Variants in GOLPH3L observed in about 807,000 individuals in gnomAD.
GOLPH3L encodes Golgi phosphoprotein 3-like.
Under a neutral mutation model 30.3 loss-of-function variants are expected in GOLPH3L, and 22 were observed. That is an observed-to-expected ratio of 0.73 (90% CI 0.52 to 1.04). The LOEUF is 1.04. Ranked by LOEUF, GOLPH3L falls within the 50% of genes least tolerant of loss-of-function variation. The pLI is 0.00. For missense variants in GOLPH3L, 303 were observed against 345.8 expected, an observed-to-expected ratio of 0.88 and a Z score of 0.98; for synonymous variants, 120 against 128.2, an observed-to-expected ratio of 0.94 and a Z score of 0.43.
At chr1:150,654,826 G>A (rs587716781) in intron 4 of GOLPH3L, among the ~76,000 whole-genome samples, 2 of 152,324 alleles carry the variant, frequency 1.3e-5, no homozygotes, top group South Asian at 4.1e-4. Context: ...CCCGCAAAAG[G>A]TCCCAACAGG....
chr1:150,663,718 C>T lies in GOLPH3L; in HGVS notation c.229G>A (p.Gly77Arg), dbSNP rs895329385. ...WNDCISSGLR[G>R]GILIELAMRG... ...ATGGCCAGCTCTATCAGGATGCCCC[C>T]TCGCAGGCCTGATGATATGCAGTCA... Residue 77 changes from glycine (G) to arginine (R), a missense_variant, in exon 3 of 5, where the codon GGG (glycine) becomes AGG (arginine). Coordinates refer to ENST00000271732, the MANE Select transcript of GOLPH3L (RefSeq NM_018178.6). 2 of 1,612,908 alleles carry T rather than the reference C, an allele frequency of 1.2e-6. No homozygotes were observed. The highest frequency in any genetic ancestry group is 8.5e-7 in the Non-Finnish European group (1 of 1,178,966).
At chr1:150,666,576 G>T (rs1263305993) in intron 2 of GOLPH3L, among the ~76,000 whole-genome samples, 1 of 152,010 alleles carries the variant, frequency 6.6e-6, no homozygotes, top group Non-Finnish European at 1.5e-5. Context: ...GACCTCAGGT[G>T]ATCTGCCTGC....
intron 2 of GOLPH3L, among the ~76,000 whole-genome samples, chr1:150,686,286 C>T (rs1216703398): frequency 6.6e-6 from 1 of 152,152 alleles, no homozygotes; most frequent in Non-Finnish European, 1.5e-5. Context: ...GTGATCATAG[C>T]TCAATGCAGC....
chr1:150,655,066 G>A (rs1650211647), intron 4 of GOLPH3L, among the ~76,000 whole-genome samples: 1 of 152,188 alleles, frequency 6.6e-6, no homozygotes, highest in Non-Finnish European at 1.5e-5. Context: ...AAATGAACAG[G>A]AGGATTTGGA....
Position 150,653,302 on chromosome 1 carries a change from T to A in GOLPH3L, c.431-4554A>T, listed in dbSNP as rs11204686. ...GGTATAAATCTTTTTTTTTTTATTT[T>A]TTTTTTTTTTTGAGACGGAGTCTCA... On this transcript the variant is annotated intron_variant, in intron 4 of 4. Coordinates refer to ENST00000271732, the MANE Select transcript of GOLPH3L (RefSeq NM_018178.6). Among the ~76,000 whole-genome samples the A allele has an allele frequency of 4.8e-3, 721 of 149,180 alleles. 6 individuals carry two copies. The highest frequency in any genetic ancestry group is 0.015 in the African/African-American group (604 of 41,072).
At chr1:150,690,826 G>T (rs1557790540) in intron 2 of GOLPH3L, among the ~76,000 whole-genome samples, 1 of 151,844 alleles carries the variant, frequency 6.6e-6, no homozygotes, top group East Asian at 1.9e-4. Flanking sequence ...TTCTTCCCCG[G>T]ATTACTCTAT....
Position 150,648,612 on chromosome 1 carries a change from T to C in GOLPH3L, c.567A>G (p.Pro189=). The change falls in exon 5 of 5, where the codon CCA becomes CCG. Residue 189 remains proline, a synonymous_variant. Coordinates refer to ENST00000271732, the MANE Select transcript of GOLPH3L (RefSeq NM_018178.6). ...NFLLFDMTTH[P]VTNTTEKQRL... ...GCTGTTTCTCTGTTGTATTGGTCAC[T>C]GGATGAGTAGTCATGTCAAATAGCA... 1.2e-6 allele frequency: 2 copies of C among 1,614,058 alleles called. No homozygotes were observed. Among genetic ancestry groups the C allele is most frequent in the East Asian group, 4.5e-5 (2 of 44,880 alleles).
intron 4 of GOLPH3L, among the ~76,000 whole-genome samples, chr1:150,649,165 G>C (rs1195981672): frequency 1.3e-5 from 2 of 152,168 alleles, no homozygotes; most frequent in South Asian, 4.1e-4. Context: ...TCCCAGGCCT[G>C]GTAGGCTGAC....
chr1:150,693,556 T>C (rs1327784582), intron 2 of GOLPH3L, among the ~76,000 whole-genome samples: 6 of 151,902 alleles, frequency 3.9e-5, no homozygotes, highest in Non-Finnish European at 8.8e-5. Context: ...TCGTAACTTC[T>C]TCATGAGGGA....
chr1:150,695,392 C>T lies in GOLPH3L; in HGVS notation c.-12-542G>A, dbSNP rs1651326722. Among the ~76,000 whole-genome samples, 4 of 152,110 alleles carry T rather than the reference C, an allele frequency of 2.6e-5. No homozygotes were observed. In the South Asian group the frequency reaches 8.3e-4, roughly 32 times the overall value. ...CCTCAAGTGATCTGCCTGCCTGGGC[C>T]TCCCAAAGTGCTAGGATTACAGGCA... is the stretch of plus-strand genomic sequence containing the variant. On this transcript the variant is annotated intron_variant, in intron 1 of 4. Transcript: ENST00000271732.
At chr1:150,651,086 G>C (rs1039349510) in intron 4 of GOLPH3L, among the ~76,000 whole-genome samples, 3 of 152,220 alleles carry the variant, frequency 2.0e-5, no homozygotes, top group African/African-American at 7.2e-5. Flanking sequence ...AGAGGCTGAG[G>C]TGGGTGGATC....
intron 2 of GOLPH3L, among the ~76,000 whole-genome samples, chr1:150,665,878 C>T (rs1650488568): frequency 6.6e-6 from 1 of 152,124 alleles, no homozygotes; most frequent in African/African-American, 2.4e-5. Flanking sequence ...TTTTGCTTAT[C>T]TGAAATGTCT....
At chr1:150,669,253 C>T (rs973991325) in intron 2 of GOLPH3L, among the ~76,000 whole-genome samples, 3 of 151,974 alleles carry the variant, frequency 2.0e-5, no homozygotes, top group Non-Finnish European at 4.4e-5. Context: ...AGTAAATGTT[C>T]CCCTGTACTG....
intron 2 of GOLPH3L, among the ~76,000 whole-genome samples, chr1:150,679,086 G>T (rs1356596560): frequency 6.6e-6 from 1 of 152,056 alleles, no homozygotes; most frequent in African/African-American, 2.4e-5. Context: ...GGAAAAACAA[G>T]TTTGTGTGAA....
chr1:150,693,225 A>T (rs1651251978), intron 2 of GOLPH3L, among the ~76,000 whole-genome samples: 1 of 152,216 alleles, frequency 6.6e-6, no homozygotes, highest in South Asian at 2.1e-4. Context: ...TTGGTAATTT[A>T]ACAAGAAAAA....
At chr1:150,653,829 CT>C (rs1392833670) in intron 4 of GOLPH3L, among the ~76,000 whole-genome samples, 1 of 151,098 alleles carries the variant, frequency 6.6e-6, no homozygotes, top group Non-Finnish European at 1.5e-5. Context: ...GCGGCACAAT[CT>C]TGTCTCACTG....
At chr1:150,690,291 T>C (rs376989155) in intron 2 of GOLPH3L, among the ~76,000 whole-genome samples, 7 of 151,998 alleles carry the variant, frequency 4.6e-5, no homozygotes, top group East Asian at 1.9e-4. Context: ...GAAAGACACA[T>C]AGTTTCTAAA....
chr1:150,693,899 A>G lies in GOLPH3L; in HGVS notation c.183+757T>C, dbSNP rs1309175585. ...TTTTGAGGCAGGGTCTCACTCTGTC[A>G]TCCAGGCTGGAGTGCAGTGGTGCAA... On this transcript the variant is annotated intron_variant, in intron 2 of 4. Coordinates refer to ENST00000271732, the MANE Select transcript of GOLPH3L (RefSeq NM_018178.6). Among the ~76,000 whole-genome samples, 6 of 111,014 alleles carry G rather than the reference A, an allele frequency of 5.4e-5. No individual in the cohort carries two copies. In the East Asian group the frequency reaches 1.6e-3, roughly 30 times the overall value. The allele number at this position is 111,014 out of a possible 152,430, so 72.8% of individuals were successfully genotyped here. A position where few individuals can be genotyped will look rare whatever the true frequency, so the allele number is the denominator to read the frequency against.
At chr1:150,676,634 A>ATTT (rs1225677880) in intron 2 of GOLPH3L, among the ~76,000 whole-genome samples, 2 of 120,962 alleles carry the variant, frequency 1.7e-5, no homozygotes, top group African/African-American at 3.1e-5. Flanking sequence ...CATACATTCT[A>ATTT]TTTTTTTTTT....
Sources: allele counts gnomAD v4.1 joint callset (sites outside exome capture counted in the v4.1 genomes callset), GRCh38; gene constraint gnomAD v4.1.1; transcripts MANE v1.5; gene names NCBI Gene and HGNC (gene_info 2026-07-23, HGNC 2026-07-21).